Variants in CSNK2A2IP observed in about 807,000 individuals in gnomAD.
CSNK2A2IP encodes casein kinase 2 subunit alpha' interacting protein, also known as casein kinase II subunit alpha'-interacting protein.
chr3:88,396,236 G>A, the CSNK2A2IP span, among the ~76,000 whole-genome samples: 1 of 151,154 alleles, frequency 6.6e-6, no homozygotes, highest in Non-Finnish European at 1.5e-5. Context: ...CTCCCGAGTA[G>A]CTGGGACTAC....
chr3:88,372,610 C>A, the CSNK2A2IP span, among the ~76,000 whole-genome samples: 1 of 151,108 alleles, frequency 6.6e-6, no homozygotes, highest in Non-Finnish European at 1.5e-5. Context: ...AGCAAAATGG[C>A]AGAAATAAGT....
chr3:88,359,134 G>A, the CSNK2A2IP span, among the ~76,000 whole-genome samples: 1 of 151,436 alleles, frequency 6.6e-6, no homozygotes, highest in African/African-American at 2.4e-5. Context: ...ATATCTAGAA[G>A]TTCATTCATT....
chr3:88,459,856 C>A, the CSNK2A2IP span, among the ~76,000 whole-genome samples: 1 of 151,884 alleles, frequency 6.6e-6, no homozygotes, highest in Admixed American at 6.6e-5. Flanking sequence ...AATATAACAT[C>A]ATTGTTTTTT....
the CSNK2A2IP span, among the ~76,000 whole-genome samples, chr3:88,365,647 G>A: frequency 3.3e-5 from 5 of 152,106 alleles, no homozygotes; most frequent in East Asian, 9.7e-4. Context: ...TCATTGTTTA[G>A]AACTTAATCT....
At chr3:88,382,324 T>C in the CSNK2A2IP span, among the ~76,000 whole-genome samples, 1 of 152,154 alleles carries the variant, frequency 6.6e-6, no homozygotes, top group Non-Finnish European at 1.5e-5. Flanking sequence ...ATCTGTGACA[T>C]GAGTCTGTGA....
the CSNK2A2IP span, among the ~76,000 whole-genome samples, chr3:88,353,931 A>G: frequency 3.9e-5 from 6 of 152,078 alleles, no homozygotes; most frequent in African/African-American, 1.2e-4. Context: ...CCAGTGTGGG[A>G]GGTGTTTGGG....
chr3:88,458,813 G>T, the CSNK2A2IP span, among the ~76,000 whole-genome samples: 1 of 152,030 alleles, frequency 6.6e-6, no homozygotes, highest in South Asian at 2.1e-4. Flanking sequence ...GATATTTCTG[G>T]TATTAATTTA....
the CSNK2A2IP span, among the ~76,000 whole-genome samples, chr3:88,340,144 G>A: frequency 3.3e-5 from 5 of 152,068 alleles, no homozygotes; most frequent in South Asian, 6.2e-4. Flanking sequence ...TTGAGAGTAT[G>A]CTTATAGCTA....
chr3:88,412,593 A>C, the CSNK2A2IP span, among the ~76,000 whole-genome samples: 2 of 152,064 alleles, frequency 1.3e-5, no homozygotes, highest in Non-Finnish European at 2.9e-5. Flanking sequence ...TGGGAATAGG[A>C]GCACAGTCTT....
the CSNK2A2IP span, among the ~76,000 whole-genome samples, chr3:88,443,674 G>A: frequency 0.25 from 37,790 of 152,010 alleles, 5,191 homozygotes; most frequent in East Asian, 0.49. Context: ...ATGAAGACAC[G>A]CTCAGTGGGT....
At chr3:88,426,068 C>G in the CSNK2A2IP span, among the ~76,000 whole-genome samples, 1 of 152,162 alleles carries the variant, frequency 6.6e-6, no homozygotes, top group South Asian at 2.1e-4. Context: ...TTTCACATAA[C>G]AAATGCCCAT....
At chr3:88,364,468 G>A in the CSNK2A2IP span, among the ~76,000 whole-genome samples, 1 of 151,792 alleles carries the variant, frequency 6.6e-6, no homozygotes. Flanking sequence ...TGTGAGACAG[G>A]AGTATAAAAA....
At chr3:88,346,770 A>AT in the CSNK2A2IP span, among the ~76,000 whole-genome samples, 1 of 152,030 alleles carries the variant, frequency 6.6e-6, no homozygotes, top group Admixed American at 6.6e-5. Context: ...AAGGAGATTA[A>AT]TGTTGTTAAG....
At chr3:88,414,901 C>G in the CSNK2A2IP span, among the ~76,000 whole-genome samples, 1 of 151,806 alleles carries the variant, frequency 6.6e-6, no homozygotes, top group East Asian at 1.9e-4. Context: ...AAATTATATG[C>G]TATTCAACAG....
At chr3:88,412,078 G>A in the CSNK2A2IP span, among the ~76,000 whole-genome samples, 7 of 151,792 alleles carry the variant, frequency 4.6e-5, no homozygotes, top group Non-Finnish European at 7.4e-5. Context: ...AAATGAATTA[G>A]GAGAGTTTGG....
chr3:88,393,232 T>TGGAAG, the CSNK2A2IP span, among the ~76,000 whole-genome samples: 1 of 152,216 alleles, frequency 6.6e-6, no homozygotes, highest in East Asian at 1.9e-4. Flanking sequence ...GTAAACTTAC[T>TGGAAG]CAGTCTTGAG....
chr3:88,402,896 T>C, the CSNK2A2IP span, among the ~76,000 whole-genome samples: 1 of 152,064 alleles, frequency 6.6e-6, no homozygotes, highest in Admixed American at 6.6e-5. Context: ...CTAAAGAAAA[T>C]ATATTAAAAT....
At chr3:88,383,831 T>C in the CSNK2A2IP span, among the ~76,000 whole-genome samples, 9 of 151,704 alleles carry the variant, frequency 5.9e-5, no homozygotes, top group African/African-American at 2.2e-4. Flanking sequence ...GCCCCGCTAA[T>C]TTTTTTGTAT....
chr3:88,338,869 G>A, the CSNK2A2IP span, among the ~76,000 whole-genome samples: 2 of 151,940 alleles, frequency 1.3e-5, no homozygotes, highest in African/African-American at 4.8e-5. Context: ...TAAACTAAAA[G>A]CAGATTTATT....
Sources: allele counts gnomAD v4.1 joint callset (sites outside exome capture counted in the v4.1 genomes callset), GRCh38; gene constraint gnomAD v4.1.1; transcripts MANE v1.5; gene names NCBI Gene and HGNC (gene_info 2026-07-23, HGNC 2026-07-21).